The following ZNRF3 variants were observed in gnomAD, a reference collection of about 807,000 sequenced individuals.
ZNRF3 encodes zinc and ring finger 3, also known as E3 ubiquitin-protein ligase ZNRF3.
Under a neutral mutation model 72.5 loss-of-function variants are expected in ZNRF3, and 23 were observed. That is an observed-to-expected ratio of 0.32 (90% CI 0.23 to 0.45). The LOEUF (loss-of-function observed/expected upper bound fraction) is 0.45, where lower values mean the gene tolerates loss of function less well. Among genes scored for constraint, ZNRF3 ranks in the 20% least tolerant of loss-of-function variants. The probability of loss-of-function intolerance (pLI) is 1.00; values close to 1 mark genes in which losing one functional copy is unlikely to be tolerated. For missense variants in ZNRF3, 1,169 were observed against 1,272.1 expected, an observed-to-expected ratio of 0.92 and a Z score of 1.23; for synonymous variants, 610 against 545.3, an observed-to-expected ratio of 1.12 and a Z score of -1.65.
intron 1 of ZNRF3, among the ~76,000 whole-genome samples, chr22:28,948,295 G>A (rs928638935): frequency 6.6e-6 from 1 of 152,166 alleles, no homozygotes; most frequent in African/African-American, 2.4e-5. Flanking sequence ...CTCCCAAGTA[G>A]CTGGGACTAC....
At chr22:28,973,954 T>C (rs2035622440) in intron 1 of ZNRF3, among the ~76,000 whole-genome samples, 1 of 69,206 alleles carries the variant, frequency 1.4e-5, no homozygotes, top group Non-Finnish European at 3.5e-5. Context: ...TCTCTCTCTC[T>C]TTTTTTTTTT....
intron 1 of ZNRF3, among the ~76,000 whole-genome samples, chr22:28,957,734 C>T (rs201611373): frequency 2.6e-5 from 4 of 152,120 alleles, no homozygotes; most frequent in East Asian, 2.0e-4. Flanking sequence ...CCACCACGCC[C>T]GGCCAATGAC....
chr22:28,886,659 A>G (rs2033792874), intron 1 of ZNRF3, among the ~76,000 whole-genome samples: 1 of 152,174 alleles, frequency 6.6e-6, no homozygotes, highest in Admixed American at 6.5e-5. Context: ...TTTATTTACT[A>G]TCTTAAAAGA....
At chr22:29,040,797 G>A (rs1172257772) in intron 2 of ZNRF3, among the ~76,000 whole-genome samples, 2 of 152,206 alleles carry the variant, frequency 1.3e-5, no homozygotes, top group African/African-American at 4.8e-5. Flanking sequence ...TACTGAAGTT[G>A]TTTTTGGTAC....
intron 1 of ZNRF3, among the ~76,000 whole-genome samples, chr22:28,916,936 T>A (rs565975641): frequency 3.0e-4 from 45 of 152,306 alleles, no homozygotes; most frequent in African/African-American, 1.0e-3. Flanking sequence ...GATTTCCAAA[T>A]TGTAGCCTTT....
At chr22:28,974,700 C>G (rs921355955) in intron 1 of ZNRF3, among the ~76,000 whole-genome samples, 11 of 152,150 alleles carry the variant, frequency 7.2e-5, no homozygotes, top group African/African-American at 2.4e-4. Flanking sequence ...GGCTGGCGCG[C>G]CATGGCCAGA....
intron 2 of ZNRF3, chr22:29,031,779 C>T (rs1277853840): frequency 1.2e-5 from 3 of 240,670 alleles, no homozygotes; most frequent in Non-Finnish European, 1.3e-5. Flanking sequence ...GCTGGGTGCT[C>T]TCCATCGTGT....
chr22:29,003,650 G>A lies in ZNRF3; in HGVS notation c.426+16449G>A, dbSNP rs564344818. Among the ~76,000 whole-genome samples the A allele has an allele frequency of 4.2e-4, 64 of 151,848 alleles. No homozygotes were observed. In the South Asian group the frequency reaches 0.013, roughly 31 times the overall value. On this transcript the variant is annotated intron_variant, in intron 2 of 8. Transcript: ENST00000544604. ...AGCTCAAGAGTTGGAGACCAGCCTC[G>A]GCAACATAGTGAGACCCTGTCTCTA...
intron 1 of ZNRF3, among the ~76,000 whole-genome samples, chr22:28,921,994 TG>T (rs1293729368): frequency 3.9e-5 from 6 of 152,188 alleles, no homozygotes; most frequent in African/African-American, 1.4e-4. Context: ...ATGAGATGTC[TG>T]GGGGGTGAGA....
chr22:28,920,609 G>A (rs191882224), intron 1 of ZNRF3, among the ~76,000 whole-genome samples: 1 of 152,334 alleles, frequency 6.6e-6, no homozygotes, highest in Admixed American at 6.5e-5. Context: ...CAATACACAT[G>A]AGTGCGTTTT....
intron 1 of ZNRF3, among the ~76,000 whole-genome samples, chr22:28,975,507 C>CAATGTCTCAA (rs1555977211): frequency 2.1e-5 from 1 of 47,858 alleles, no homozygotes; most frequent in African/African-American, 9.8e-5. Context: ...TACTCTGTCT[C>CAATGTCTCAA]AAAAAAAAAA....
At chr22:28,976,323 A>T (rs1362726942) in intron 1 of ZNRF3, among the ~76,000 whole-genome samples, 1 of 152,060 alleles carries the variant, frequency 6.6e-6, no homozygotes, top group Non-Finnish European at 1.5e-5. Flanking sequence ...GGAGTTTGAG[A>T]CCAGCCTGGA....
Position 28,899,693 on chromosome 22 carries a change from C to CT in ZNRF3, c.300+15643dup, listed in dbSNP as rs1299023459. ...TCTTTCTTTTCTTCTTTCTTTCTTTCTTTTTTTTTTTTTTTTAAGACAGTC... is the reference window on the plus strand; with the variant it reads ...TCTTTCTTTTCTTCTTTCTTTCTTTCTTTTTTTTTTTTTTTTTAAGACAGTC... On this transcript the variant is annotated intron_variant, in intron 1 of 8. Transcript: ENST00000544604. 1.2e-3 allele frequency among the ~76,000 whole-genome samples: 164 copies of CT among 132,746 alleles called. 1 individual carries two copies. Among genetic ancestry groups the CT allele is most frequent in the South Asian group, 2.9e-3 (12 of 4,124 alleles). The allele number at this position is 132,746 out of a possible 152,430, so 87.1% of individuals were successfully genotyped here.
intron 1 of ZNRF3, among the ~76,000 whole-genome samples, chr22:28,896,371 G>C (rs1328463415): frequency 2.0e-5 from 3 of 152,138 alleles, no homozygotes; most frequent in Non-Finnish European, 4.4e-5. Flanking sequence ...TTGACCTCGT[G>C]ATCCGCCCGC....
At chr22:28,910,381 A>AGC (rs922825094) in intron 1 of ZNRF3, among the ~76,000 whole-genome samples, 18 of 152,186 alleles carry the variant, frequency 1.2e-4, no homozygotes, top group African/African-American at 4.1e-4. Context: ...TAAGAAAAAA[A>AGC]GCAAAGTAAC....
At chr22:28,993,271 C>T (rs1327727458) in intron 2 of ZNRF3, among the ~76,000 whole-genome samples, 8 of 152,148 alleles carry the variant, frequency 5.3e-5, no homozygotes, top group Non-Finnish European at 7.3e-5. Flanking sequence ...GGCTCAAGCC[C>T]GGAAATTACT....
intron 1 of ZNRF3, among the ~76,000 whole-genome samples, chr22:28,918,926 A>T (rs2034462458): frequency 6.6e-6 from 1 of 152,160 alleles, no homozygotes; most frequent in South Asian, 2.1e-4. Context: ...GAAATACCGG[A>T]TTGGGGGCAC....
chr22:28,952,281 C>T (rs145907804), intron 1 of ZNRF3, among the ~76,000 whole-genome samples: 54 of 152,336 alleles, frequency 3.5e-4, no homozygotes, highest in Middle Eastern at 3.4e-3. Flanking sequence ...AGTCCCATGT[C>T]CCCCAGGAAT....
intron 1 of ZNRF3, among the ~76,000 whole-genome samples, chr22:28,928,653 C>A (rs892903957): frequency 6.6e-6 from 1 of 151,830 alleles, no homozygotes; most frequent in Non-Finnish European, 1.5e-5. Context: ...GCCACCAAAC[C>A]CGGCTAATTT....
Sources: gnomAD v4.1 joint callset for allele counts (sites outside exome capture counted in the v4.1 genomes callset) on GRCh38, gnomAD v4.1.1 for gene constraint, MANE v1.5 for transcripts, NCBI Gene and HGNC (gene_info 2026-07-23, HGNC 2026-07-21) for gene names.